Variants in RNH1 observed in about 807,000 individuals in gnomAD.
RNH1 encodes the protein ribonuclease/angiogenin inhibitor 1, also known as ribonuclease inhibitor.
RNH1 carries 38 observed loss-of-function variants against 46.1 expected under a neutral mutation model. The observed-to-expected ratio is 0.82, with a 90% confidence interval of 0.64 to 1.08. The LOEUF (loss-of-function observed/expected upper bound fraction) is 1.08, where lower values mean the gene tolerates loss of function less well. Among genes scored for constraint, RNH1 ranks in the 50% least tolerant of loss-of-function variants. RNH1 has a pLI of 0.00. For synonymous variants in RNH1, 319 were observed against 279.1 expected, an observed-to-expected ratio of 1.14 and a Z score of -1.43; for missense variants, 577 against 590.7, an observed-to-expected ratio of 0.98 and a Z score of 0.24.
chr11:499,799 C>T (rs752727035), intron 5 of RNH1, 30 bp downstream of exon 5: 24 of 1,590,294 alleles, frequency 1.5e-5, no homozygotes, highest in Non-Finnish European at 1.9e-5. Flanking sequence ...CAGCGGCCAG[C>T]ATGGGCCCTG....
intron 1 of RNH1, chr11:505,874 CTTT>C (rs35130438): frequency 0.011 from 1,317 of 118,024 alleles, 16 homozygotes; most frequent in African/African-American, 0.041. Flanking sequence ...CCTAATGTAA[CTTT>C]TTTTTTTTTT....
Position 495,044 on chromosome 11 carries a change from G to A in RNH1, c.1137C>T (p.Asp379=). The stretch of plus-strand genomic sequence containing the variant: ...TGCAGCTGCTGTCACTCACATCGCA[G>A]TCGGCCAACCTGGGTGAAGCAGGGC... ...GSVLRVLWLA[D]CDVSDSSCSS... is the part of the protein sequence containing the mutation. Residue 379 remains aspartate, a synonymous_variant, in exon 10 of 11, where the codon GAC becomes GAT. Coordinates refer to ENST00000354420, the MANE Select transcript of RNH1 (RefSeq NM_203387.3). 6.2e-7 allele frequency: 1 copy of A among 1,604,738 alleles called. No homozygotes were observed. Among genetic ancestry groups the A allele is most frequent in the African/African-American group, 1.3e-5 (1 of 74,956 alleles).
At position 502,801 on chromosome 11, in the gene RNH1, T is replaced by G; in HGVS notation, c.-87-552A>C. 1 of 154,888 alleles carries G rather than the reference T, an allele frequency of 6.5e-6. No individual in the cohort carries two copies. Among genetic ancestry groups the G allele is most frequent in the African/African-American group, 2.4e-5 (1 of 41,588 alleles). 9.6% of individuals were successfully genotyped at this position (154,888 alleles called of 1,614,324 possible). On this transcript the variant is annotated intron_variant, in intron 2 of 10. Transcript: ENST00000354420. The surrounding 1 kb of genome is among the most constrained non-coding windows in gnomAD (Gnocchi z 5.8). ...ATGGCCCCCTTCTGGGGTTGGGGAC[T>G]CTGCACCAGGCTACAGCACATCCCC...
In RNH1 at chr11:495,069, CG is replaced by C; in HGVS notation, c.1128-17del. On this transcript the variant is annotated splice_polypyrimidine_tract_variant and intron_variant, in intron 9 of 10. Transcript: ENST00000354420. ...GTCGGCCAACCTGGGTGAAGCAGGG[CG>C]GGGGTCAGGGTGCCGGGCGTGCCTG... is the stretch of plus-strand genomic sequence containing the variant. 1 of 1,599,650 alleles carries C rather than the reference CG, an allele frequency of 6.3e-7. No homozygotes were observed. The highest frequency in any genetic ancestry group is 2.2e-5 in the East Asian group (1 of 44,472).
intron 1 of RNH1, chr11:505,874 CTT>C (rs35130438): frequency 0.089 from 10,492 of 117,706 alleles, 208 homozygotes; most frequent in African/African-American, 0.11. Flanking sequence ...CCTAATGTAA[CTT>C]TTTTTTTTTT....
At chr11:506,004 C>G (rs1413019285) in intron 1 of RNH1, 3 of 152,434 alleles carry the variant, frequency 2.0e-5, no homozygotes, top group Non-Finnish European at 4.4e-5. Context: ...CTCAACCTCC[C>G]AAGTAGCTGG....
chr11:494,905 C>G lies in RNH1; in HGVS notation c.1276G>C (p.Gly426Arg), dbSNP rs1848905185. Reference sequence around the variant, plus strand: ...TACACCAGCTGCTCCAGGAGGCAGCCCGGCTGCCGGACGCTCTCCACCAGC... The same window carrying G: ...TACACCAGCTGCTCCAGGAGGCAGCGCGGCTGCCGGACGCTCTCCACCAGC... ...LQLVESVRQPGCLLEQLVLYD... is the reference protein window; with the variant it reads ...LQLVESVRQPRCLLEQLVLYD... Residue 426 changes from glycine to arginine, a missense_variant, in exon 10 of 11, where the codon GGC becomes CGC. By Grantham distance (125) the Gly-to-Arg change is moderately radical. Transcript: ENST00000354420. The G allele has an allele frequency of 6.2e-7, 1 of 1,611,466 alleles. No homozygotes were observed. Among genetic ancestry groups the G allele is most frequent in the African/African-American group, 1.3e-5 (1 of 74,914 alleles).
Position 494,943 on chromosome 11 carries a change from G to C in RNH1, c.1238C>G (p.Ala413Gly). ...GCTCTCCACCAGCTGCAGGATGCCG[G>C]CGTCCCCCAGGCAGTTGTTGCTGAG... ...LDLSNNCLGD[A>G]GILQLVESVR... Residue 413 changes from alanine (A) to glycine (G), a missense_variant, in exon 10 of 11, where the codon GCC becomes GGC. Transcript: ENST00000354420. 1 of 1,607,986 alleles carries C rather than the reference G, an allele frequency of 6.2e-7. No homozygotes were observed. The highest frequency in any genetic ancestry group is 1.1e-5 in the South Asian group (1 of 90,228).
chr11:498,193 G>T, intron 8 of RNH1, 52 bp from the exon 9 acceptor site: 1 of 1,555,020 alleles, frequency 6.4e-7, no homozygotes, highest in South Asian at 1.2e-5. Context: ...CTGGCCCACA[G>T]CTGCGACTGG....
In RNH1 at chr11:507,242, C is replaced by A. The variant is rs1397910586; in HGVS notation, c.-390G>T. 1 of 150,432 alleles carries A rather than the reference C, an allele frequency of 6.6e-6. No homozygotes were observed. The highest frequency in any genetic ancestry group is 2.5e-5 in the African/African-American group (1 of 40,796). 9.3% of individuals were successfully genotyped at this position (150,432 alleles called of 1,614,324 possible). On this transcript the variant is annotated 5_prime_UTR_variant, in exon 1 of 11. Transcript: ENST00000354420. ...CGCCAGTCAGCGGCGCGGGCGTGTT[C>A]GAGCCGGCTCGTGGGCGTGGTCAGG...
chr11:497,005 C>T (rs1337917744), intron 9 of RNH1, among the ~76,000 whole-genome samples: 3 of 152,250 alleles, frequency 2.0e-5, no homozygotes, highest in South Asian at 4.1e-4. Context: ...AGAGTGGTGC[C>T]GCCAGCCCGC....
chr11:497,399 T>G (rs1041917864), intron 9 of RNH1, among the ~76,000 whole-genome samples: 1 of 139,112 alleles, frequency 7.2e-6, no homozygotes, highest in Non-Finnish European at 1.5e-5. Context: ...ACACTCGTGC[T>G]CTCACCCATG....
chr11:500,030 C>T (rs760342728), intron 4 of RNH1, 31 bp from the exon 5 acceptor site: 36 of 1,509,092 alleles, frequency 2.4e-5, no homozygotes, highest in Middle Eastern at 4.5e-4. Context: ...AGCAGGGCTC[C>T]CCTGAGCCAA....
At position 498,497 on chromosome 11, in the gene RNH1, C is replaced by T; in HGVS notation, c.916G>A (p.Glu306Lys). 2.5e-6 allele frequency: 4 copies of T among 1,613,308 alleles called. No homozygotes were observed. Among genetic ancestry groups the T allele is most frequent in the Non-Finnish European group, 3.4e-6 (4 of 1,179,996 alleles). The change falls in exon 8 of 11, where the codon GAG becomes AAG. Residue 306 changes from glutamate (E) to lysine (K), a missense_variant. By Grantham distance (56) the Glu-to-Lys change is moderately conservative. Transcript: ENST00000354420. ...LGDEGARLLC[E>K]TLLEPGCQLE... ...TGGCAGCCAGGTTCCAGCAGGGTCT[C>T]ACACAGCAGTCGGGCACCCTCATCC...
At chr11:496,594 G>A (rs937839159) in intron 9 of RNH1, among the ~76,000 whole-genome samples, 12 of 152,172 alleles carry the variant, frequency 7.9e-5, no homozygotes, top group Non-Finnish European at 1.8e-4. Flanking sequence ...GCATGAACTT[G>A]GGAGGCGGAG....
intron 9 of RNH1, among the ~76,000 whole-genome samples, chr11:496,802 G>A (rs375300067): frequency 8.5e-5 from 13 of 152,376 alleles, no homozygotes; most frequent in East Asian, 3.9e-4. Context: ...AGCTGCAAAA[G>A]AACGTGCTTT....
rs917658715 is a variant in RNH1, at chr11:501,105, G to C, written c.102-451C>G. The C allele has an allele frequency of 3.1e-6, 1 of 325,316 alleles. No individual in the cohort carries two copies. The highest frequency in any genetic ancestry group is 6.0e-6 in the Non-Finnish European group (1 of 166,140). The allele number at this position is 325,316 out of a possible 1,614,324, so 20.2% of individuals were successfully genotyped here. ...GGGAGCCACTCCAGCCTGGGTGACAGAGCAATGCCCTGTCTCTAAAAATAA... is the reference window on the plus strand; with the variant it reads ...GGGAGCCACTCCAGCCTGGGTGACACAGCAATGCCCTGTCTCTAAAAATAA... On this transcript the variant is annotated intron_variant, in intron 3 of 10. Transcript: ENST00000354420. The surrounding 1 kb of genome is among the most constrained non-coding windows in gnomAD (Gnocchi z 4.1).
intron 3 of RNH1, 121 bp from the exon 4 acceptor site, chr11:500,775 A>G (rs1322925519): frequency 9.6e-7 from 1 of 1,042,596 alleles, no homozygotes; most frequent in Non-Finnish European, 1.4e-6. Context: ...GGCAAGTCAC[A>G]CAAGACATTT....
rs1243237495 is a variant in RNH1 at position 504,890 on chromosome 11, T to G, written c.-154A>C. On this transcript the variant is annotated 5_prime_UTR_variant, in exon 2 of 11. Coordinates refer to ENST00000354420, the MANE Select transcript of RNH1 (RefSeq NM_203387.3). Reference sequence around the variant, plus strand: ...CAGGTTGACGATGATTTGTTGTAGCTGAGGCGAACGGGGCGAGGCTGTGAG... The same window carrying G: ...CAGGTTGACGATGATTTGTTGTAGCGGAGGCGAACGGGGCGAGGCTGTGAG... 1 of 152,254 alleles carries G rather than the reference T, an allele frequency of 6.6e-6. No homozygotes were observed. The highest frequency in any genetic ancestry group is 1.9e-4 in the East Asian group (1 of 5,204). 9.4% of individuals were successfully genotyped at this position (152,254 alleles called of 1,614,324 possible).
Sources: gnomAD v4.1 joint callset for allele counts (sites outside exome capture counted in the v4.1 genomes callset) on GRCh38, gnomAD v4.1.1 for gene constraint, Gnocchi (gnomAD v3.1) non-coding constraint, MANE v1.5 for transcripts, NCBI Gene and HGNC (gene_info 2026-07-23, HGNC 2026-07-21) for gene names.